ASTN2: variants seen among roughly 807,000 people sequenced by gnomAD.
ASTN2 encodes the protein astrotactin-2.
Under a neutral mutation model 139.8 loss-of-function variants are expected in ASTN2, and 54 were observed. The observed-to-expected ratio is 0.39, with a 90% CI of 0.31 to 0.48. The LOEUF (loss-of-function observed/expected upper bound fraction) is 0.48. Ranked by LOEUF, ASTN2 falls within the 20% of genes least tolerant of loss-of-function variation. The pLI is 0.95. For missense variants in ASTN2, 1,565 were observed against 1,725.1 expected, an observed-to-expected ratio of 0.91 and a Z score of 1.64; for synonymous variants, 756 against 719.5, an observed-to-expected ratio of 1.05 and a Z score of -0.81.
chr9:116,782,349 A>C (rs1221583044), intron 13 of ASTN2, among the ~76,000 whole-genome samples: 2 of 152,180 alleles, frequency 1.3e-5, no homozygotes, highest in East Asian at 3.8e-4. Flanking sequence ...CCAACTTGAC[A>C]ATATTAACAT....
chr9:117,396,829 G>C (rs1830689236), intron 1 of ASTN2, among the ~76,000 whole-genome samples: 1 of 152,066 alleles, frequency 6.6e-6, no homozygotes, highest in Non-Finnish European at 1.5e-5. Flanking sequence ...GTCTCCCAAA[G>C]TGCTGGGATT....
intron 2 of ASTN2, among the ~76,000 whole-genome samples, chr9:117,263,186 CT>C (rs1295792313): frequency 3.3e-5 from 5 of 152,110 alleles, no homozygotes; most frequent in African/African-American, 7.2e-5. Flanking sequence ...AGAAGGACTC[CT>C]TTTTTTCTCT....
At chr9:116,445,501 C>T (rs1847960160) in intron 20 of ASTN2, among the ~76,000 whole-genome samples, 1 of 152,134 alleles carries the variant, frequency 6.6e-6, no homozygotes, top group African/African-American at 2.4e-5. Context: ...ACTTATGTTC[C>T]TGTGGTGCTT....
At chr9:117,337,222 G>A (rs894886013) in intron 1 of ASTN2, among the ~76,000 whole-genome samples, 2 of 152,050 alleles carry the variant, frequency 1.3e-5, no homozygotes, top group African/African-American at 2.4e-5. Flanking sequence ...TTATACATGG[G>A]TCTACAGAGG....
intron 13 of ASTN2, among the ~76,000 whole-genome samples, chr9:116,775,177 GC>G (rs1830048810): frequency 6.6e-6 from 1 of 151,822 alleles, no homozygotes; most frequent in African/African-American, 2.4e-5. Context: ...GGAGCTCCAG[GC>G]CCCCAGGATG....
intron 6 of ASTN2, among the ~76,000 whole-genome samples, chr9:117,028,895 C>A (rs1336953219): frequency 6.6e-6 from 1 of 152,126 alleles, no homozygotes; most frequent in Non-Finnish European, 1.5e-5. Context: ...GATACTGGGG[C>A]AGGGAAGAAT....
At chr9:116,702,977 G>A (rs1246500690) in intron 16 of ASTN2, among the ~76,000 whole-genome samples, 1 of 152,138 alleles carries the variant, frequency 6.6e-6, no homozygotes, top group East Asian at 1.9e-4. Context: ...TTAATCTAGT[G>A]CTAATTAATG....
chr9:117,325,871 G>T (rs565128498), intron 1 of ASTN2, among the ~76,000 whole-genome samples: 2 of 152,116 alleles, frequency 1.3e-5, no homozygotes, highest in African/African-American at 4.8e-5. Flanking sequence ...CAAACTCAAC[G>T]CTGTCAGTCC....
chr9:117,096,267 A>G, intron 4 of ASTN2, 116 bp from the exon 5 acceptor site: 1 of 773,822 alleles, frequency 1.3e-6, no homozygotes, highest in Non-Finnish European at 2.2e-6. Flanking sequence ...GTAAATCCCA[A>G]GCAACCCAGG....
Position 116,731,178 on chromosome 9 carries a change from G to GTAA in ASTN2, c.2522-2085_2522-2083dup, listed in dbSNP as rs68099311. Among the ~76,000 whole-genome samples the GTAA allele has an allele frequency of 2.6e-3, 370 of 140,190 alleles. 3 individuals are homozygous for GTAA. Among genetic ancestry groups the GTAA allele is most frequent in the African/African-American group, 5.2e-3 (198 of 38,030 alleles). 92.0% of individuals were successfully genotyped at this position (140,190 alleles called of 152,430 possible). On this transcript the variant is annotated intron_variant, in intron 14 of 22. Coordinates refer to ENST00000313400, the MANE Select transcript of ASTN2 (RefSeq NM_001365068.1). Reference sequence around the variant, plus strand: ...GTGATGGAGGGAGGAATTTTTCCTGGTAATAATAATAATAATAATAATAAT... The same window carrying GTAA: ...GTGATGGAGGGAGGAATTTTTCCTGGTAATAATAATAATAATAATAATAATAAT...
At chr9:116,876,881 T>G (rs1238542695) in intron 10 of ASTN2, among the ~76,000 whole-genome samples, 1 of 152,236 alleles carries the variant, frequency 6.6e-6, no homozygotes, top group African/African-American at 2.4e-5. Context: ...TTCACTTTAT[T>G]GTGATATTTG....
At chr9:117,155,695 G>T (rs1344218089) in intron 3 of ASTN2, among the ~76,000 whole-genome samples, 2 of 151,980 alleles carry the variant, frequency 1.3e-5, no homozygotes, top group African/African-American at 4.8e-5. Flanking sequence ...TCCTTTATCT[G>T]TCACCTATGG....
intron 10 of ASTN2, among the ~76,000 whole-genome samples, chr9:116,876,518 C>T (rs1833303806): frequency 1.3e-5 from 2 of 152,138 alleles, no homozygotes; most frequent in African/African-American, 4.8e-5. Context: ...GGGTAAAATG[C>T]TATCAGACTA....
At chr9:117,291,251 C>A in intron 2 of ASTN2, 75 bp downstream of exon 2, 1 of 1,541,634 alleles carries the variant, frequency 6.5e-7, no homozygotes, top group East Asian at 2.3e-5. Flanking sequence ...TGGACAATCC[C>A]CCGCCCCCTC....
intron 17 of ASTN2, among the ~76,000 whole-genome samples, chr9:116,627,425 C>T (rs1588107575): frequency 6.6e-6 from 1 of 152,238 alleles, no homozygotes. Context: ...GACTAGGAGG[C>T]CCAAAGAAGA....
intron 1 of ASTN2, among the ~76,000 whole-genome samples, chr9:117,295,070 T>A (rs1297786513): frequency 1.3e-5 from 2 of 152,088 alleles, no homozygotes. Flanking sequence ...ACCTGTAATC[T>A]CAGCATTTTG....
chr9:116,770,504 T>G (rs1829929331), intron 13 of ASTN2, among the ~76,000 whole-genome samples: 1 of 152,124 alleles, frequency 6.6e-6, no homozygotes. Flanking sequence ...CCCAGAAAGG[T>G]GACATAGTTG....
chr9:116,603,767 G>A (rs931391233), intron 19 of ASTN2, among the ~76,000 whole-genome samples: 1 of 152,176 alleles, frequency 6.6e-6, no homozygotes, highest in African/African-American at 2.4e-5. Flanking sequence ...ATTCTGGTGA[G>A]TGAAGAGAGA....
chr9:117,071,785 C>A (rs1052719253), intron 5 of ASTN2, among the ~76,000 whole-genome samples: 1 of 151,740 alleles, frequency 6.6e-6, no homozygotes, highest in Non-Finnish European at 1.5e-5. Flanking sequence ...CAGGTGCGTC[C>A]GTCACCCCTT....
Sources: gnomAD v4.1 joint callset for allele counts (sites outside exome capture counted in the v4.1 genomes callset) on GRCh38, gnomAD v4.1.1 for gene constraint, MANE v1.5 for transcripts, NCBI Gene and HGNC (gene_info 2026-07-23, HGNC 2026-07-21) for gene names.